The following DEUP1 variants were observed in gnomAD, a reference collection of about 807,000 sequenced individuals.
DEUP1 encodes coiled-coil domain containing 67.
A neutral mutation model predicts 87.4 loss-of-function variants in DEUP1; 82 were observed. That is an observed-to-expected ratio of 0.94 (90% CI 0.78 to 1.13). The LOEUF (loss-of-function observed/expected upper bound fraction) is 1.13, where lower values mean the gene tolerates loss of function less well. DEUP1 is among the 50% of genes most tolerant of loss of function. The probability of loss-of-function intolerance (pLI) is 0.00; values close to 1 mark genes in which losing one functional copy is unlikely to be tolerated. For synonymous variants in DEUP1, 214 were observed against 222.7 expected, an observed-to-expected ratio of 0.96 and a Z score of 0.35; for missense variants, 663 against 681.5, an observed-to-expected ratio of 0.97 and a Z score of 0.30.
At chr11:93,359,351 A>AT (rs1352290087) in intron 4 of DEUP1, among the ~76,000 whole-genome samples, 4 of 144,324 alleles carry the variant, frequency 2.8e-5, no homozygotes, top group South Asian at 2.2e-4. Flanking sequence ...AAAAGGAGTT[A>AT]TTTTTTTTCC....
At chr11:93,388,287 A>G (rs1946652962) in intron 8 of DEUP1, among the ~76,000 whole-genome samples, 1 of 152,142 alleles carries the variant, frequency 6.6e-6, no homozygotes, top group African/African-American at 2.4e-5. Flanking sequence ...CCTCAAAACA[A>G]CAGACTCCTC....
chr11:93,363,540 A>G (rs1454252085), intron 4 of DEUP1, among the ~76,000 whole-genome samples: 2 of 151,932 alleles, frequency 1.3e-5, no homozygotes, highest in South Asian at 4.1e-4. Flanking sequence ...ATACATGAGT[A>G]TAGAAATTTC....
intron 13 of DEUP1, among the ~76,000 whole-genome samples, chr11:93,432,168 C>T (rs887676187): frequency 1.3e-5 from 2 of 152,116 alleles, no homozygotes; most frequent in African/African-American, 4.8e-5. Context: ...TAATGGGAAT[C>T]CTGAAGGACA....
intron 5 of DEUP1, 42 bp downstream of exon 5, chr11:93,364,336 T>G (rs1945311713): frequency 3.2e-6 from 5 of 1,551,626 alleles, no homozygotes; most frequent in Non-Finnish European, 4.4e-6. Flanking sequence ...TATTAAAGAT[T>G]GATTCCTATT....
intron 4 of DEUP1, among the ~76,000 whole-genome samples, chr11:93,362,932 T>C (rs1945241580): frequency 1.3e-5 from 2 of 151,868 alleles, no homozygotes; most frequent in Non-Finnish European, 3.0e-5. Context: ...GTGGCTACTT[T>C]AATTAATCTG....
intron 3 of DEUP1, among the ~76,000 whole-genome samples, chr11:93,356,018 T>G (rs1944877887): frequency 6.6e-6 from 1 of 152,160 alleles, no homozygotes; most frequent in Admixed American, 6.6e-5. Flanking sequence ...GACACCCACT[T>G]AAGAGGAGTT....
Position 93,437,739 on chromosome 11 carries a change from T to TGGGGGGGGGGGGGGGGGGGGGGGGGGGGG in DEUP1, c.*21_*22insGGGGGGGGGGGGGGGGGGGGGGGGGGGGG. On this transcript the variant is annotated 3_prime_UTR_variant, in exon 14 of 14. Coordinates refer to ENST00000298050, the MANE Select transcript of DEUP1 (RefSeq NM_181645.4). ...ATATGAGCTTTTAAACTTTTTTATT[T>TGGGGGGGGGGGGGGGGGGGGGGGGGGGGG]GCTTCCCCCCCCCACCCCCGCCAAG... The TGGGGGGGGGGGGGGGGGGGGGGGGGGGGG allele has an allele frequency of 7.7e-7, 1 of 1,305,242 alleles. No homozygotes were observed. Among genetic ancestry groups the TGGGGGGGGGGGGGGGGGGGGGGGGGGGGG allele is most frequent in the Non-Finnish European group, 1.0e-6 (1 of 952,882 alleles). The allele number at this position is 1,305,242 out of a possible 1,614,324, so 80.9% of individuals were successfully genotyped here.
chr11:93,375,670 G>T (rs1311841668), intron 7 of DEUP1, among the ~76,000 whole-genome samples: 1 of 152,150 alleles, frequency 6.6e-6, no homozygotes, highest in African/African-American at 2.4e-5. Context: ...GTGATATGCT[G>T]TTGGATTCAG....
chr11:93,351,439 C>T (rs896185673), intron 2 of DEUP1, among the ~76,000 whole-genome samples: 2 of 152,046 alleles, frequency 1.3e-5, no homozygotes, highest in African/African-American at 4.8e-5. Flanking sequence ...TGGTAATGAA[C>T]CAGACTGATA....
At chr11:93,339,504 A>G (rs1243392073) in intron 2 of DEUP1, among the ~76,000 whole-genome samples, 2 of 152,220 alleles carry the variant, frequency 1.3e-5, no homozygotes, top group African/African-American at 4.8e-5. Context: ...AATCAACAAA[A>G]GAGCTGGCTT....
At chr11:93,435,990 C>T (rs552557966) in intron 13 of DEUP1, among the ~76,000 whole-genome samples, 9 of 107,526 alleles carry the variant, frequency 8.4e-5, no homozygotes, top group Non-Finnish European at 1.0e-4. Flanking sequence ...AGTGAGACTC[C>T]GTCTCAAAAA....
intron 2 of DEUP1, among the ~76,000 whole-genome samples, chr11:93,334,177 A>T (rs1943634153): frequency 2.0e-5 from 3 of 150,622 alleles, no homozygotes; most frequent in South Asian, 4.2e-4. Context: ...AAGCATGGAG[A>T]CCCCAGGTTG....
chr11:93,409,330 T>C (rs564620840), intron 12 of DEUP1, among the ~76,000 whole-genome samples: 1 of 152,282 alleles, frequency 6.6e-6, no homozygotes, highest in Admixed American at 6.5e-5. Flanking sequence ...TTATTCAAAA[T>C]TAAAATCTAT....
chr11:93,352,447 ATAGTCCTAGCTGT>A (rs1565299876), intron 2 of DEUP1: 2 of 699,850 alleles, frequency 2.9e-6, no homozygotes, highest in South Asian at 3.0e-5. Context: ...AACAGTTGCT[ATAGTCCTAGCTGT>A]TATACTAAGC....
Position 93,357,016 on chromosome 11 carries a change from A to G in DEUP1, c.270A>G (p.Glu90=), listed in dbSNP as rs758320526. The stretch of plus-strand genomic sequence containing the variant: ...ATTTAGCAATGACTCAGAATTATGA[A>G]GGACAACTACAAAGCCTAAAGGCTC... ...KCNLAMTQNY[E]GQLQSLKAQF... is the part of the protein sequence containing the mutation. Residue 90 remains glutamate, a synonymous_variant, in exon 4 of 14, where the codon GAA becomes GAG. Coordinates refer to ENST00000298050, the MANE Select transcript of DEUP1 (RefSeq NM_181645.4). 2 of 1,595,494 alleles carry G rather than the reference A, an allele frequency of 1.3e-6. No homozygotes were observed. The highest frequency in any genetic ancestry group is 1.7e-6 in the Non-Finnish European group (2 of 1,170,462).
intron 7 of DEUP1, among the ~76,000 whole-genome samples, chr11:93,373,092 G>C (rs1945820956): frequency 6.6e-6 from 1 of 152,162 alleles, no homozygotes; most frequent in African/African-American, 2.4e-5. Flanking sequence ...TGTACTGCTG[G>C]AATCTGCATC....
intron 4 of DEUP1, among the ~76,000 whole-genome samples, chr11:93,360,271 C>A (rs1253747818): frequency 6.6e-6 from 1 of 152,206 alleles, no homozygotes; most frequent in Non-Finnish European, 1.5e-5. Flanking sequence ...CATCCACTAT[C>A]CCCTGGCAGT....
chr11:93,364,817 A>C (rs1183942551), intron 5 of DEUP1, among the ~76,000 whole-genome samples: 1 of 152,044 alleles, frequency 6.6e-6, no homozygotes, highest in Non-Finnish European at 1.5e-5. Context: ...TCATAACTAT[A>C]TATATCTACT....
intron 13 of DEUP1, among the ~76,000 whole-genome samples, chr11:93,434,843 G>T (rs558896992): frequency 3.3e-5 from 5 of 152,264 alleles, no homozygotes; most frequent in African/African-American, 1.2e-4. Flanking sequence ...ACAGCCATCG[G>T]TTTAAAGTCT....
Sources: allele counts gnomAD v4.1 joint callset (sites outside exome capture counted in the v4.1 genomes callset), GRCh38; gene constraint gnomAD v4.1.1; transcripts MANE v1.5; gene names NCBI Gene and HGNC (gene_info 2026-07-23, HGNC 2026-07-21).